The following NIPBL variants were observed in gnomAD, a reference collection of about 807,000 sequenced individuals.
The protein encoded by NIPBL is NIPBL cohesin loading factor, also known as nipped-B-like protein.
A neutral mutation model predicts 321.8 loss-of-function variants in NIPBL; 19 were observed. The ratio of observed to expected loss-of-function variants is 0.06; its 90% CI spans 0.04 to 0.09. The LOEUF is 0.09. Ranked by LOEUF, NIPBL falls within the 10% of genes least tolerant of loss-of-function variation. NIPBL has a pLI of 1.00. For synonymous variants in NIPBL, 1,106 were observed against 1,114.1 expected, an observed-to-expected ratio of 0.99 and a Z score of 0.14; for missense variants, 2,210 against 3,327.0, an observed-to-expected ratio of 0.66 and a Z score of 8.26.
intron 9 of NIPBL, among the ~76,000 whole-genome samples, chr5:36,977,654 C>G (rs1365130084): frequency 6.8e-6 from 1 of 147,842 alleles, no homozygotes; most frequent in South Asian, 2.1e-4. Context: ...GGGTTTGTTA[C>G]GTGGGTATAT....
Position 36,876,780 on chromosome 5 carries a change from A to G in NIPBL, c.-478A>G. 1 of 396,776 alleles carries G rather than the reference A, an allele frequency of 2.5e-6. No homozygotes were observed. Among genetic ancestry groups the G allele is most frequent in the Non-Finnish European group, 4.4e-6 (1 of 224,894 alleles). The allele number at this position is 396,776 out of a possible 1,614,324, so 24.6% of individuals were successfully genotyped here. A position where few individuals can be genotyped will look rare whatever the true frequency, so the allele number is the denominator to read the frequency against. ...CACTTCCGGTCGGCATTTTGTTCTG[A>G]GAGGGAGAGACGGAACGAGAGAGAG... On this transcript the variant is annotated 5_prime_UTR_variant, in exon 1 of 47. Transcript: ENST00000282516.
rs548951890 is a variant in NIPBL at position 36,951,288 on chromosome 5, C to G, written c.-79-2330C>G. 3.3e-5 allele frequency among the ~76,000 whole-genome samples: 5 copies of G among 152,188 alleles called. No homozygotes were observed. The South Asian group carries it at 1.0e-3, about 32-fold the overall frequency. ...TGGATCTGCTCTATTTGTTACTCAC[C>G]TGGGACTTAAGAAAACAGTCAGGTA... is the stretch of plus-strand genomic sequence containing the variant. On this transcript the variant is annotated intron_variant, in intron 1 of 46. Coordinates refer to ENST00000282516, the MANE Select transcript of NIPBL (RefSeq NM_133433.4).
chr5:36,945,165 A>C (rs955257537), intron 1 of NIPBL, among the ~76,000 whole-genome samples: 1 of 152,152 alleles, frequency 6.6e-6, no homozygotes, highest in East Asian at 1.9e-4. Context: ...CGTAGCCTCT[A>C]TGTAAAAATA....
intron 4 of NIPBL, among the ~76,000 whole-genome samples, chr5:36,960,845 G>A (rs1346432809): frequency 1.3e-5 from 2 of 152,140 alleles, no homozygotes; most frequent in Non-Finnish European, 2.9e-5. Flanking sequence ...GGAAATAAAT[G>A]TAAGAACCAG....
At position 36,985,007 on chromosome 5, in the gene NIPBL, A is replaced by T. The variant is rs1363714083; in HGVS notation, c.1827A>T (p.Ser609=). ...AAAAAAAGTCTGATCCTGAGCTTTC[A>T]AAGAGTGAAATGAAACAAAGTGAAA... ...TPKKKSDPEL[S]KSEMKQSESR... is the part of the protein sequence containing the mutation. Residue 609 remains serine (S), a synonymous_variant, in exon 10 of 47, where the codon TCA becomes TCT. Transcript: ENST00000282516. 6.2e-7 allele frequency: 1 copy of T among 1,613,822 alleles called. No individual in the cohort carries two copies. Among genetic ancestry groups the T allele is most frequent in the Non-Finnish European group, 8.5e-7 (1 of 1,179,976 alleles).
chr5:37,025,805 AT>A (rs1480419185), intron 30 of NIPBL, among the ~76,000 whole-genome samples: 1 of 152,134 alleles, frequency 6.6e-6, no homozygotes, highest in East Asian at 1.9e-4. Context: ...TTATGTATCC[AT>A]AAAAAAAAAA....
Position 36,876,778 on chromosome 5 carries a change from T to G in NIPBL, c.-480T>G, listed in dbSNP as rs1405367495. On this transcript the variant is annotated 5_prime_UTR_variant, in exon 1 of 47. Transcript: ENST00000282516. ...TGCACTTCCGGTCGGCATTTTGTTC[T>G]GAGAGGGAGAGACGGAACGAGAGAG... 3 of 396,138 alleles carry G rather than the reference T, an allele frequency of 7.6e-6. No homozygotes were observed. Among genetic ancestry groups the G allele is most frequent in the Non-Finnish European group, 1.3e-5 (3 of 224,472 alleles). The allele number at this position is 396,138 out of a possible 1,614,324, so 24.5% of individuals were successfully genotyped here.
intron 1 of NIPBL, among the ~76,000 whole-genome samples, chr5:36,923,754 A>G (rs1335200517): frequency 6.6e-6 from 1 of 152,220 alleles, no homozygotes; most frequent in African/African-American, 2.4e-5. Context: ...TAAGGGGATA[A>G]TAATAAGTGT....
At chr5:37,034,157 G>T (rs1334796338) in intron 32 of NIPBL, among the ~76,000 whole-genome samples, 1 of 151,980 alleles carries the variant, frequency 6.6e-6, no homozygotes, top group African/African-American at 2.4e-5. Flanking sequence ...CATTAGTAAA[G>T]TAAGAAATAC....
In NIPBL at chr5:36,976,200, A is replaced by G. The variant is rs749708797; in HGVS notation, c.1293A>G (p.Ala431=). Residue 431 remains alanine, a synonymous_variant, in exon 9 of 47, where the codon GCA becomes GCG. Coordinates refer to ENST00000282516, the MANE Select transcript of NIPBL (RefSeq NM_133433.4). ...AAGAACAAACAGCATTCCTTCCAGC[A>G]AATCAAGTGCCTGTTTTACAACAGA... ...SQQEQTAFLP[A]NQVPVLQQNT... 1 of 1,612,940 alleles carries G rather than the reference A, an allele frequency of 6.2e-7. No individual in the cohort carries two copies. Among genetic ancestry groups the G allele is most frequent in the Admixed American group, 1.7e-5 (1 of 59,868 alleles).
In NIPBL at chr5:36,921,003, A is replaced by G. The variant is rs74991224; in HGVS notation, c.-79-32615A>G. On this transcript the variant is annotated intron_variant, in intron 1 of 46. Coordinates refer to ENST00000282516, the MANE Select transcript of NIPBL (RefSeq NM_133433.4). ...ACTGTACTATAAATTACATTTTACC[A>G]TGGGTTAGGTTTACCTATCTTCAAA... Among the ~76,000 whole-genome samples, 4 of 151,960 alleles carry G rather than the reference A, an allele frequency of 2.6e-5. No homozygotes were observed. In the East Asian group the frequency reaches 5.8e-4, roughly 22 times the overall value.
Position 37,052,511 on chromosome 5 carries a change from G to A in NIPBL, c.7208G>A (p.Arg2403His). 2 of 1,614,100 alleles carry A rather than the reference G, an allele frequency of 1.2e-6. No homozygotes were observed. The highest frequency in any genetic ancestry group is 1.7e-6 in the Non-Finnish European group (2 of 1,180,012). Reference protein sequence around the residue: ...SHLYSMIRGNRQHRRAFLISL... With the variant: ...SHLYSMIRGNHQHRRAFLISL... ...CTTTACTCCATGATCCGTGGAAACC[G>A]CCAACACAGACGAGCCTTTCTTATT... The change falls in exon 42 of 47, where the codon CGC becomes CAC. Residue 2403 changes from arginine (R) to histidine (H), a missense_variant. By Grantham distance (29) the Arg-to-His change is conservative (BLOSUM62 0). Coordinates refer to ENST00000282516, the MANE Select transcript of NIPBL (RefSeq NM_133433.4).
chr5:36,885,851 C>G (rs1386666753), intron 1 of NIPBL: 4 of 707,514 alleles, frequency 5.7e-6, no homozygotes, highest in South Asian at 1.4e-5. Flanking sequence ...GAAGGAGAAC[C>G]ACGAAGAGGA....
At chr5:37,058,088 G>T (rs1185442902) in intron 43 of NIPBL, among the ~76,000 whole-genome samples, 2 of 152,120 alleles carry the variant, frequency 1.3e-5, no homozygotes, top group African/African-American at 4.8e-5. Context: ...CTTACTACTT[G>T]AAGTATAGAC....
chr5:36,913,290 A>G (rs1486373369), intron 1 of NIPBL, among the ~76,000 whole-genome samples: 1 of 152,114 alleles, frequency 6.6e-6, no homozygotes, highest in African/African-American at 2.4e-5. Context: ...ACAAAAAAGT[A>G]TGTGTAAAGT....
intron 44 of NIPBL, among the ~76,000 whole-genome samples, 190 bp from the exon 45 acceptor site, chr5:37,060,654 A>G (rs902271501): frequency 6.6e-6 from 1 of 152,220 alleles, no homozygotes; most frequent in African/African-American, 2.4e-5. Context: ...GGGAGCAACT[A>G]GTAGAAAGAG....
chr5:37,057,092 GGTGAAA>G, intron 42 of NIPBL, 88 bp from the exon 43 acceptor site: 1 of 1,227,566 alleles, frequency 8.1e-7, no homozygotes, highest in Non-Finnish European at 1.2e-6. Flanking sequence ...CATTAAGTGA[GGTGAAA>G]GTGCCCTGTA....
intron 1 of NIPBL, among the ~76,000 whole-genome samples, chr5:36,895,180 C>A (rs1424453631): frequency 1.3e-5 from 2 of 152,116 alleles, no homozygotes; most frequent in South Asian, 4.2e-4. Context: ...TCCTTGGCAA[C>A]CATTAATTTA....
intron 39 of NIPBL, 122 bp from the exon 40 acceptor site, chr5:37,048,989 C>A (rs1259984715): frequency 3.2e-5 from 31 of 956,680 alleles, no homozygotes; most frequent in Non-Finnish European, 5.0e-6. Flanking sequence ...AGATTAAGAA[C>A]CATTGAGCCA....
Sources: allele counts gnomAD v4.1 joint callset (sites outside exome capture counted in the v4.1 genomes callset), GRCh38; gene constraint gnomAD v4.1.1; transcripts MANE v1.5; gene names NCBI Gene and HGNC (gene_info 2026-07-23, HGNC 2026-07-21).